Variants in ARHGAP15 observed in about 807,000 individuals in gnomAD.
ARHGAP15 encodes rho GTPase-activating protein 15.
In ARHGAP15, 51 loss-of-function variants were observed where a neutral mutation model predicts 63.7. That is an observed-to-expected ratio of 0.80 (90% CI 0.64 to 1.01). The LOEUF is 1.01. Ranked by LOEUF, ARHGAP15 falls within the 50% of genes least tolerant of loss-of-function variation. The pLI is 0.00. For missense variants in ARHGAP15, 560 were observed against 564.6 expected (o/e 0.99, Z 0.08); for synonymous variants, 191 against 193.8 (o/e 0.99, Z 0.12).
intron 3 of ARHGAP15, among the ~76,000 whole-genome samples, chr2:143,212,229 CCT>C (rs369354624): frequency 6.6e-6 from 1 of 152,304 alleles, no homozygotes; most frequent in East Asian, 1.9e-4. Flanking sequence ...CTTCTGCTCC[CCT>C]GTCTTGTCTG....
chr2:143,266,918 CTGT>C (rs939978240), intron 6 of ARHGAP15, among the ~76,000 whole-genome samples: 1 of 152,124 alleles, frequency 6.6e-6, no homozygotes, highest in African/African-American at 2.4e-5. Context: ...GAACAAATTT[CTGT>C]TGTTCAGTTC....
chr2:143,525,997 C>G (rs1284083876), intron 10 of ARHGAP15, among the ~76,000 whole-genome samples: 4 of 152,114 alleles, frequency 2.6e-5, no homozygotes, highest in African/African-American at 7.2e-5. Context: ...CCATAGGTAC[C>G]TGATACCTGC....
chr2:143,539,772 C>T (rs1022771166), intron 10 of ARHGAP15, among the ~76,000 whole-genome samples: 15 of 151,900 alleles, frequency 9.9e-5, no homozygotes, highest in Admixed American at 7.9e-4. Context: ...TGTTCTTTCA[C>T]ATTTGCTGAG....
intron 1 of ARHGAP15, among the ~76,000 whole-genome samples, chr2:143,131,881 C>A (rs919841905): frequency 6.6e-5 from 10 of 152,070 alleles, no homozygotes; most frequent in Admixed American, 5.9e-4. Context: ...ATTGGTCCTG[C>A]CTGTGGCATT....
intron 5 of ARHGAP15, among the ~76,000 whole-genome samples, chr2:143,234,601 T>C (rs1693569296): frequency 6.6e-6 from 1 of 152,180 alleles, no homozygotes; most frequent in South Asian, 2.1e-4. Flanking sequence ...AGGGACAAGA[T>C]TGTGCTTCAG....
chr2:143,697,163 T>C (rs1008917384), intron 12 of ARHGAP15, among the ~76,000 whole-genome samples: 2 of 152,170 alleles, frequency 1.3e-5, no homozygotes, highest in East Asian at 1.9e-4. Context: ...TCTCTGATAA[T>C]TGACAGCATT....
At chr2:143,469,828 A>T (rs1691428654) in intron 8 of ARHGAP15, among the ~76,000 whole-genome samples, 2 of 152,198 alleles carry the variant, frequency 1.3e-5, no homozygotes, top group Admixed American at 6.6e-5. Flanking sequence ...GCTACCAGAA[A>T]ATTTAAAGTT....
intron 9 of ARHGAP15, among the ~76,000 whole-genome samples, chr2:143,504,419 C>T (rs568160913): frequency 6.6e-6 from 1 of 152,162 alleles, no homozygotes; most frequent in Non-Finnish European, 1.5e-5. Flanking sequence ...AAGAAAATCA[C>T]CTCCATACCC....
intron 11 of ARHGAP15, among the ~76,000 whole-genome samples, chr2:143,590,539 A>T (rs569907157): frequency 1.3e-5 from 2 of 152,290 alleles, no homozygotes; most frequent in South Asian, 4.1e-4. Context: ...TCTCTTGACC[A>T]CTGCATAAAG....
chr2:143,194,354 C>T (rs1425475769), intron 2 of ARHGAP15, among the ~76,000 whole-genome samples: 1 of 152,068 alleles, frequency 6.6e-6, no homozygotes, highest in African/African-American at 2.4e-5. Flanking sequence ...AGAGTAAGTG[C>T]TTATATTATT....
chr2:143,158,523 C>T (rs1472108288), intron 2 of ARHGAP15, among the ~76,000 whole-genome samples: 1 of 151,862 alleles, frequency 6.6e-6, no homozygotes, highest in African/African-American at 2.4e-5. Context: ...ATCAAATAAT[C>T]ATTCTAAAAT....
intron 6 of ARHGAP15, among the ~76,000 whole-genome samples, chr2:143,340,575 C>A (rs1025395696): frequency 8.6e-5 from 13 of 150,564 alleles, no homozygotes; most frequent in African/African-American, 3.2e-4. Context: ...TTTTTATGGG[C>A]AAGCAGTGTG....
intron 3 of ARHGAP15, among the ~76,000 whole-genome samples, chr2:143,205,932 A>G (rs1202280482): frequency 6.6e-6 from 1 of 151,494 alleles, no homozygotes; most frequent in Admixed American, 6.6e-5. Flanking sequence ...CATCCCCCCC[A>G]CTGATCCTAG....
At chr2:143,301,989 A>AT (rs1008987269) in intron 6 of ARHGAP15, among the ~76,000 whole-genome samples, 2 of 151,970 alleles carry the variant, frequency 1.3e-5, no homozygotes, top group Non-Finnish European at 2.9e-5. Context: ...AGGTAATTTT[A>AT]TAAAAAAAGT....
At chr2:143,482,754 CTT>C (rs1559001070) in intron 8 of ARHGAP15, among the ~76,000 whole-genome samples, 2 of 152,174 alleles carry the variant, frequency 1.3e-5, no homozygotes, top group East Asian at 3.8e-4. Flanking sequence ...ATGGACCTTG[CTT>C]TATATCCACG....
At chr2:143,134,104 A>AATCTATCT (rs70982842) in intron 1 of ARHGAP15, among the ~76,000 whole-genome samples, 76 of 141,356 alleles carry the variant, frequency 5.4e-4, no homozygotes, top group East Asian at 2.0e-3. Context: ...TCTATTTGAA[A>AATCTATCT]ATCTATCTAT....
intron 6 of ARHGAP15, among the ~76,000 whole-genome samples, chr2:143,278,487 G>A (rs1277745673): frequency 1.3e-5 from 2 of 152,152 alleles, no homozygotes; most frequent in African/African-American, 4.8e-5. Flanking sequence ...AATGGCTTTT[G>A]AGTAGGTAAC....
chr2:143,351,792 AC>A (rs1260482049), intron 6 of ARHGAP15, among the ~76,000 whole-genome samples: 7 of 152,108 alleles, frequency 4.6e-5, no homozygotes, highest in Non-Finnish European at 1.0e-4. Flanking sequence ...CTACTCTGGT[AC>A]CCTGGAGCTT....
At chr2:143,460,462 A>G (rs1201902251) in intron 8 of ARHGAP15, among the ~76,000 whole-genome samples, 2 of 152,214 alleles carry the variant, frequency 1.3e-5, no homozygotes, top group African/African-American at 2.4e-5. Context: ...ATATCTAGAC[A>G]CTGAAAACAT....
Sources: gnomAD v4.1 joint callset for allele counts (sites outside exome capture counted in the v4.1 genomes callset) on GRCh38, gnomAD v4.1.1 for gene constraint, MANE v1.5 for transcripts, NCBI Gene and HGNC (gene_info 2026-07-23, HGNC 2026-07-21) for gene names.